P4HA3: variants seen among roughly 807,000 people sequenced by gnomAD.
The protein encoded by P4HA3 is prolyl 4-hydroxylase subunit alpha-3.
In P4HA3, 60 loss-of-function variants were observed where a neutral mutation model predicts 66.7. The observed-to-expected ratio is 0.90, with a 90% CI of 0.73 to 1.12. The LOEUF is 1.12. Ranked by LOEUF, P4HA3 falls within the 50% of genes most tolerant of loss-of-function variation. The probability of loss-of-function intolerance (pLI) is 0.00; values close to 1 mark genes in which losing one functional copy is unlikely to be tolerated. For synonymous variants in P4HA3, 263 were observed against 274.6 expected (o/e 0.96, Z 0.42); for missense variants, 683 against 685.8 (o/e 1.00, Z 0.05).
chr11:74,251,098 T>C, intron 15 of P4HA3: 2 of 1,538,346 alleles, frequency 1.3e-6, no homozygotes, highest in South Asian at 2.4e-5. Context: ...TCTCTGAGTC[T>C]CAGCCTGCAT....
At chr11:74,272,481 C>A (rs977828165) in intron 10 of P4HA3, among the ~76,000 whole-genome samples, 1 of 152,160 alleles carries the variant, frequency 6.6e-6, no homozygotes, top group African/African-American at 2.4e-5. Flanking sequence ...CAAGATGTGT[C>A]CCCTGCCTGA....
chr11:74,263,282 A>C (rs1216058536), downstream of P4HA3, among the ~76,000 whole-genome samples: 1 of 152,232 alleles, frequency 6.6e-6, no homozygotes, highest in African/African-American at 2.4e-5. Flanking sequence ...GAACTGATTC[A>C]TTCCTATATT....
chr11:74,255,082 C>T (rs1276424179), intron 15 of P4HA3, among the ~76,000 whole-genome samples: 1 of 152,188 alleles, frequency 6.6e-6, no homozygotes, highest in Non-Finnish European at 1.5e-5. Flanking sequence ...CTGTCTCTCC[C>T]AGATGACCAA....
In P4HA3 at chr11:74,295,130, A is replaced by G. The variant is rs529179251; in HGVS notation, c.717+3082T>C. ...ATTGCGGGGCGTTGTTGTTTGTTAT[A>G]TTTAATAATATAACTGAAGTTAAAT... is the stretch of plus-strand genomic sequence containing the variant. On this transcript the variant is annotated intron_variant, in intron 4 of 12. Transcript: ENST00000331597. 5.3e-5 allele frequency among the ~76,000 whole-genome samples: 8 copies of G among 152,294 alleles called. No homozygotes were observed. The South Asian group carries it at 1.7e-3, about 32-fold the overall frequency.
intron 15 of P4HA3, among the ~76,000 whole-genome samples, chr11:74,258,628 C>T (rs930755209): frequency 9.2e-5 from 14 of 152,056 alleles, no homozygotes; most frequent in Admixed American, 3.3e-4. Flanking sequence ...GACTTCCAGA[C>T]GAGTGCCTTT....
In P4HA3 at chr11:74,266,916, A is replaced by G. The variant is rs185239402; in HGVS notation, c.*332T>C. 103 of 1,199,500 alleles carry G rather than the reference A, an allele frequency of 8.6e-5. No individual in the cohort carries two copies. The African/African-American group carries it at 1.3e-3, about 16-fold the overall frequency. The allele number at this position is 1,199,500 out of a possible 1,614,324, so 74.3% of individuals were successfully genotyped here. A position where few individuals can be genotyped will look rare whatever the true frequency, so the allele number is the denominator to read the frequency against. On this transcript the variant is annotated 3_prime_UTR_variant, in exon 13 of 13. Coordinates refer to ENST00000331597, the MANE Select transcript of P4HA3 (RefSeq NM_182904.5). ...CCTGTGGTCAAGGTTCAAAGTGCCA[A>G]AAGACCCACTGATCGAACCTGAGAC...
chr11:74,305,982 G>A (rs996167316), intron 1 of P4HA3, among the ~76,000 whole-genome samples: 5 of 152,092 alleles, frequency 3.3e-5, no homozygotes, highest in African/African-American at 4.8e-5. Context: ...AATTTGGCCA[G>A]AGCAGGTTAG....
chr11:74,291,732 T>C (rs1861033828), intron 4 of P4HA3, among the ~76,000 whole-genome samples: 1 of 152,270 alleles, frequency 6.6e-6, no homozygotes, highest in Non-Finnish European at 1.5e-5. Flanking sequence ...GTTCTTTTTA[T>C]ATGTTGGATT....
chr11:74,281,530 A>T (rs1404899281), intron 7 of P4HA3, among the ~76,000 whole-genome samples: 1 of 151,900 alleles, frequency 6.6e-6, no homozygotes. Flanking sequence ...TACACCATGG[A>T]ATACTATGCA....
At chr11:74,308,948 T>G (rs1438186771) in intron 1 of P4HA3, among the ~76,000 whole-genome samples, 1 of 152,174 alleles carries the variant, frequency 6.6e-6, no homozygotes, top group Non-Finnish European at 1.5e-5. Flanking sequence ...GTAAAGTAAC[T>G]TGTCCAAGAT....
chr11:74,268,268 G>T (rs1377759957), intron 11 of P4HA3, 27 bp from the exon 12 acceptor site: 1 of 1,595,104 alleles, frequency 6.3e-7, no homozygotes, highest in East Asian at 2.2e-5. Context: ...CAGCCCCAGG[G>T]AGGGTCAGCC....
At chr11:74,282,115 G>A (rs1255172081) in intron 7 of P4HA3, among the ~76,000 whole-genome samples, 18 of 145,492 alleles carry the variant, frequency 1.2e-4, no homozygotes, top group Non-Finnish European at 2.5e-4. Flanking sequence ...TTCTTTTAGG[G>A]CAAAATCAAT....
At chr11:74,255,156 T>A (rs1859803541) in intron 15 of P4HA3, among the ~76,000 whole-genome samples, 1 of 152,216 alleles carries the variant, frequency 6.6e-6, no homozygotes, top group African/African-American at 2.4e-5. Context: ...TTGCTCCCCA[T>A]GAAACTTGCT....
downstream of P4HA3, among the ~76,000 whole-genome samples, chr11:74,262,333 C>G (rs992548298): frequency 3.9e-5 from 6 of 152,040 alleles, no homozygotes; most frequent in African/African-American, 1.5e-4. Context: ...ATGGGCAGAT[C>G]AAGCACTTGA....
At chr11:74,299,619 C>T (rs530058617) in intron 3 of P4HA3, among the ~76,000 whole-genome samples, 8 of 149,174 alleles carry the variant, frequency 5.4e-5, no homozygotes, top group African/African-American at 9.9e-5. Context: ...AACACAAATT[C>T]GGACACTTTG....
intron 1 of P4HA3, among the ~76,000 whole-genome samples, chr11:74,307,029 G>A (rs900738136): frequency 6.6e-5 from 10 of 152,118 alleles, no homozygotes; most frequent in East Asian, 1.9e-4. Flanking sequence ...CTTAACAAGC[G>A]GAGACTTGGG....
At chr11:74,277,228 T>C in intron 8 of P4HA3, 84 bp from the exon 9 acceptor site, 3 of 1,462,154 alleles carry the variant, frequency 2.1e-6, no homozygotes, top group Non-Finnish European at 2.8e-6. Context: ...AATAAACAAA[T>C]GAATTATGTT....
intron 15 of P4HA3, among the ~76,000 whole-genome samples, chr11:74,256,123 G>T (rs1471829031): frequency 6.6e-6 from 1 of 152,196 alleles, no homozygotes; most frequent in Non-Finnish European, 1.5e-5. Flanking sequence ...CAGGTAGGCA[G>T]ACAGGTCCAA....
chr11:74,290,793 C>A (rs1430469616), intron 4 of P4HA3, among the ~76,000 whole-genome samples: 1 of 152,112 alleles, frequency 6.6e-6, no homozygotes, highest in African/African-American at 2.4e-5. Flanking sequence ...TGTTCTGTTC[C>A]ATTGGTCTAT....
Sources: allele counts gnomAD v4.1 joint callset (sites outside exome capture counted in the v4.1 genomes callset), GRCh38; gene constraint gnomAD v4.1.1; transcripts MANE v1.5; gene names NCBI Gene and HGNC (gene_info 2026-07-23, HGNC 2026-07-21).